NDUFAF2: variants seen among roughly 807,000 people sequenced by gnomAD.
NDUFAF2 encodes the protein NADH dehydrogenase [ubiquinone] 1 alpha subcomplex assembly factor 2.
In NDUFAF2, 13 loss-of-function variants were observed where a neutral mutation model predicts 22.8. That is an observed-to-expected ratio of 0.57 (90% CI 0.37 to 0.91). The LOEUF (loss-of-function observed/expected upper bound fraction) is 0.91, where lower values mean the gene tolerates loss of function less well. Ranked by LOEUF, NDUFAF2 falls within the 40% of genes least tolerant of loss-of-function variation. The pLI is 0.01. For missense variants in NDUFAF2, 162 were observed against 195.2 expected, an observed-to-expected ratio of 0.83 and a Z score of 1.01; for synonymous variants, 53 against 64.2, an observed-to-expected ratio of 0.83 and a Z score of 0.84.
At chr5:61,081,583 A>T (rs1752443156) in intron 2 of NDUFAF2, among the ~76,000 whole-genome samples, 1 of 152,190 alleles carries the variant, frequency 6.6e-6, no homozygotes, top group Admixed American at 6.5e-5. Context: ...TTGAGATACT[A>T]AGTTATATAA....
chr5:60,956,532 G>A (rs1750618152), intron 1 of NDUFAF2, among the ~76,000 whole-genome samples: 1 of 152,050 alleles, frequency 6.6e-6, no homozygotes, highest in Non-Finnish European at 1.5e-5. Context: ...TTCTATACCT[G>A]ACACTAAGAA....
At chr5:61,102,262 T>C (rs1356938457) in intron 3 of NDUFAF2, among the ~76,000 whole-genome samples, 1 of 152,192 alleles carries the variant, frequency 6.6e-6, no homozygotes, top group East Asian at 1.9e-4. Flanking sequence ...GGGCTAATAC[T>C]GTCTGACTTT....
intron 1 of NDUFAF2, among the ~76,000 whole-genome samples, chr5:61,026,678 T>C (rs1359243509): frequency 2.0e-5 from 3 of 152,042 alleles, no homozygotes; most frequent in African/African-American, 2.4e-5. Context: ...AGAATAACAA[T>C]TATTATTTTA....
At chr5:60,953,800 G>A (rs1750579379) in intron 1 of NDUFAF2, among the ~76,000 whole-genome samples, 1 of 152,092 alleles carries the variant, frequency 6.6e-6, no homozygotes, top group Admixed American at 6.6e-5. Flanking sequence ...ATGGTTTACT[G>A]TATTTATGAA....
At chr5:61,136,005 T>C (rs1372379445) in intron 3 of NDUFAF2, among the ~76,000 whole-genome samples, 1 of 96,024 alleles carries the variant, frequency 1.0e-5, no homozygotes, top group Non-Finnish European at 2.0e-5. Flanking sequence ...AAGCCTGTCT[T>C]TATATATATA....
At chr5:61,014,925 T>G (rs1215387513) in intron 1 of NDUFAF2, among the ~76,000 whole-genome samples, 1 of 152,238 alleles carries the variant, frequency 6.6e-6, no homozygotes, top group Non-Finnish European at 1.5e-5. Flanking sequence ...TGTTAAACTC[T>G]TAACTATATA....
chr5:60,968,960 G>T (rs1164712757), intron 1 of NDUFAF2, among the ~76,000 whole-genome samples: 1 of 151,976 alleles, frequency 6.6e-6, no homozygotes, highest in Non-Finnish European at 1.5e-5. Flanking sequence ...GAGAACATGT[G>T]AAATTTGTCT....
chr5:61,000,210 A>G (rs1234625893), intron 1 of NDUFAF2, among the ~76,000 whole-genome samples: 1 of 152,126 alleles, frequency 6.6e-6, no homozygotes, highest in Non-Finnish European at 1.5e-5. Flanking sequence ...GGGAATTAAA[A>G]GAGCTTTAGT....
At chr5:60,974,320 A>G (rs1271028141) in intron 1 of NDUFAF2, among the ~76,000 whole-genome samples, 3 of 152,180 alleles carry the variant, frequency 2.0e-5, no homozygotes. Flanking sequence ...GTGGTTTGCC[A>G]GGGGCTTTTG....
At chr5:61,146,616 G>T (rs1307322262) in intron 3 of NDUFAF2, among the ~76,000 whole-genome samples, 2 of 152,014 alleles carry the variant, frequency 1.3e-5, no homozygotes, top group African/African-American at 2.4e-5. Context: ...TTTTTCCTGT[G>T]TCTAGTTTTA....
chr5:61,019,660 T>C (rs1457729515), intron 1 of NDUFAF2, among the ~76,000 whole-genome samples: 1 of 152,060 alleles, frequency 6.6e-6, no homozygotes, highest in African/African-American at 2.4e-5. Context: ...GGATAAAATA[T>C]AAATTTTGTT....
At position 61,117,259 on chromosome 5, in the gene NDUFAF2, A is replaced by T. The variant is rs553091751; in HGVS notation, c.258+18227A>T. Reference sequence around the variant, plus strand: ...GGTTTGGCCTATACTATGACCATAAACATCAGCTTAAAGAATATAAAGTAT... The same window carrying T: ...GGTTTGGCCTATACTATGACCATAATCATCAGCTTAAAGAATATAAAGTAT... On this transcript the variant is annotated intron_variant, in intron 3 of 3. Transcript: ENST00000296597. 2.0e-3 allele frequency among the ~76,000 whole-genome samples: 311 copies of T among 152,304 alleles called. 2 individuals are homozygous for T. The highest frequency in any genetic ancestry group is 7.2e-3 in the African/African-American group (300 of 41,578).
chr5:61,010,858 C>T (rs879746680), intron 1 of NDUFAF2, among the ~76,000 whole-genome samples: 3 of 152,066 alleles, frequency 2.0e-5, no homozygotes, highest in South Asian at 2.1e-4. Flanking sequence ...ACTTCTGTAA[C>T]GTATCACTAA....
At chr5:60,995,556 C>A (rs889960105) in intron 1 of NDUFAF2, among the ~76,000 whole-genome samples, 3 of 152,170 alleles carry the variant, frequency 2.0e-5, no homozygotes, top group Non-Finnish European at 4.4e-5. Context: ...TGTTCTAAGC[C>A]ATCTAAAGCC....
At chr5:61,047,199 A>G (rs1751964714) in intron 1 of NDUFAF2, among the ~76,000 whole-genome samples, 1 of 152,166 alleles carries the variant, frequency 6.6e-6, no homozygotes, top group African/African-American at 2.4e-5. Context: ...AACTGATAGT[A>G]CAAAGCTAAT....
intron 1 of NDUFAF2, among the ~76,000 whole-genome samples, chr5:60,971,112 A>G (rs1196275300): frequency 6.7e-6 from 1 of 149,316 alleles, no homozygotes; most frequent in Non-Finnish European, 1.5e-5. Flanking sequence ...TTCTATTTTA[A>G]TATTTGAATC....
chr5:60,977,836 CA>C (rs373286895), intron 1 of NDUFAF2, among the ~76,000 whole-genome samples: 106 of 116,518 alleles, frequency 9.1e-4, no homozygotes, highest in African/African-American at 1.2e-3. Flanking sequence ...GACTCTGTCT[CA>C]AAAAAAAAAA....
chr5:61,150,343 A>G (rs1741212615), intron 3 of NDUFAF2, among the ~76,000 whole-genome samples: 1 of 152,180 alleles, frequency 6.6e-6, no homozygotes, highest in Non-Finnish European at 1.5e-5. Flanking sequence ...TTTTTTCAGA[A>G]AAACAAAAGG....
rs186985527 is a variant in NDUFAF2 at position 61,069,729 on chromosome 5, A to G, written c.128-3396A>G. On this transcript the variant is annotated intron_variant, in intron 1 of 3. Coordinates refer to ENST00000296597, the MANE Select transcript of NDUFAF2 (RefSeq NM_174889.5). ...TACATGTGAAACCTGTCTTTTACCT[A>G]AACCCTTGTCATCTACGATATGCCT... Among the ~76,000 whole-genome samples, 4 of 152,170 alleles carry G rather than the reference A, an allele frequency of 2.6e-5. No homozygotes were observed. In the East Asian group the frequency reaches 7.7e-4, roughly 29 times the overall value.
Sources: gnomAD v4.1 joint callset for allele counts (sites outside exome capture counted in the v4.1 genomes callset) on GRCh38, gnomAD v4.1.1 for gene constraint, MANE v1.5 for transcripts, NCBI Gene and HGNC (gene_info 2026-07-23, HGNC 2026-07-21) for gene names.